The following CASP6 variants were observed in gnomAD, a reference collection of about 807,000 sequenced individuals.
The protein encoded by CASP6 is caspase 6.
CASP6 carries 20 observed loss-of-function variants against 31.8 expected under a neutral mutation model. The ratio of observed to expected loss-of-function variants is 0.63; its 90% CI spans 0.44 to 0.91. The LOEUF (loss-of-function observed/expected upper bound fraction) is 0.91, where lower values mean the gene tolerates loss of function less well. Among genes scored for constraint, CASP6 ranks in the 40% least tolerant of loss-of-function variants. The probability of loss-of-function intolerance (pLI) is 0.00; values close to 1 mark genes in which losing one functional copy is unlikely to be tolerated. For synonymous variants in CASP6, 130 were observed against 127.8 expected (o/e 1.02, Z -0.12); for missense variants, 328 against 361.1 (o/e 0.91, Z 0.74).
chr4:109,706,568 A>C (rs1159622290), upstream of CASP6, among the ~76,000 whole-genome samples: 1 of 152,038 alleles, frequency 6.6e-6, no homozygotes, highest in Non-Finnish European at 1.5e-5. Context: ...CCAATTTTGA[A>C]AGAAGGTCTG....
chr4:109,687,322 G>T (rs1342383935), downstream of CASP6, among the ~76,000 whole-genome samples: 2 of 152,080 alleles, frequency 1.3e-5, no homozygotes, highest in Non-Finnish European at 2.9e-5. Flanking sequence ...TGGTAGCACT[G>T]CACTCCTGCC....
intron 2 of CASP6, 95 bp from the exon 3 acceptor site, chr4:109,697,863 T>G: frequency 7.3e-7 from 1 of 1,372,440 alleles, no homozygotes; most frequent in Non-Finnish European, 9.9e-7. Flanking sequence ...AGATCTGAGC[T>G]TCCTCCTTGC....
chr4:109,691,117 C>G, intron 5 of CASP6, 108 bp from the exon 6 acceptor site: 1 of 1,212,554 alleles, frequency 8.2e-7, no homozygotes, highest in Non-Finnish European at 1.1e-6. Context: ...CAACAGAAAC[C>G]ACATTCTGAG....
chr4:109,703,492 GC>G, upstream of CASP6: 1 of 1,467,150 alleles, frequency 6.8e-7, no homozygotes, highest in Non-Finnish European at 9.2e-7. Flanking sequence ...CGGCGGCCCC[GC>G]CCCCTGCCCC....
chr4:109,703,570 C>T, upstream of CASP6: 1 of 784,254 alleles, frequency 1.3e-6, no homozygotes, highest in South Asian at 1.9e-5. Flanking sequence ...CTGGTCCTTC[C>T]CAGAGTTAAA....
the CASP6 span, among the ~76,000 whole-genome samples, chr4:109,670,381 G>A: frequency 2.4e-4 from 36 of 151,878 alleles, no homozygotes; most frequent in Non-Finnish European, 4.9e-4. Context: ...AATCGGTTAG[G>A]CTCTGGGAAA....
At chr4:109,681,868 G>A in the CASP6 span, among the ~76,000 whole-genome samples, 7 of 152,238 alleles carry the variant, frequency 4.6e-5, no homozygotes, top group Admixed American at 1.3e-4. Context: ...AACCAGAAGA[G>A]TGCAGTTTCA....
chr4:109,674,797 C>T, the CASP6 span, among the ~76,000 whole-genome samples: 1 of 152,192 alleles, frequency 6.6e-6, no homozygotes, highest in Non-Finnish European at 1.5e-5. Context: ...TAAATGTCAT[C>T]TTGAAATAGA....
At position 109,703,372 on chromosome 4, in the gene CASP6, G is replaced by A; in HGVS notation, c.24C>T (p.Arg8=). 1 of 1,611,316 alleles carries A rather than the reference G, an allele frequency of 6.2e-7. No homozygotes were observed. The highest frequency in any genetic ancestry group is 8.5e-7 in the Non-Finnish European group (1 of 1,179,086). The part of the protein sequence containing the change: MSSASGL[R]RGHPAGGEEN... ...CCTGCCTACCTGCCGGGTGCCCCCT[G>A]CGGAGCCCCGAGGCCGAGCTCATTG... Residue 8 remains arginine (R), a synonymous_variant, in exon 1 of 7, where the codon CGC becomes CGT. Coordinates refer to ENST00000265164, the MANE Select transcript of CASP6 (RefSeq NM_001226.4).
At chr4:109,669,396 C>T in the CASP6 span, among the ~76,000 whole-genome samples, 40 of 150,886 alleles carry the variant, frequency 2.7e-4, no homozygotes, top group Non-Finnish European at 5.5e-4. Flanking sequence ...CTTTTTTTTT[C>T]TCTGCTATAG....
chr4:109,689,141 A>G lies in CASP6; in HGVS notation c.*189T>C. The stretch of plus-strand genomic sequence containing the variant: ...CAGGCATGCGCCGCCATGCCTAGCT[A>G]AATTTTTTTTTGCATTTTTAGTAGA... On this transcript the variant is annotated 3_prime_UTR_variant, in exon 7 of 7. Coordinates refer to ENST00000265164, the MANE Select transcript of CASP6 (RefSeq NM_001226.4). 2 of 516,198 alleles carry G rather than the reference A, an allele frequency of 3.9e-6. No individual in the cohort carries two copies. The highest frequency in any genetic ancestry group is 7.0e-6 in the Non-Finnish European group (2 of 285,182). 32.0% of individuals were successfully genotyped at this position (516,198 alleles called of 1,614,324 possible).
At chr4:109,684,782 GT>G, downstream of CASP6, 1 of 578,662 alleles carries the variant, frequency 1.7e-6, no homozygotes, top group South Asian at 2.3e-5. Context: ...ATTTTTTATT[GT>G]TTTTCACAAG....
chr4:109,706,128 A>ATT (rs199704463), upstream of CASP6, among the ~76,000 whole-genome samples: 2 of 34,224 alleles, frequency 5.8e-5, no homozygotes, highest in Non-Finnish European at 5.5e-5. Context: ...ATACCTATCC[A>ATT]TTTTATATAT....
chr4:109,682,087 G>A, the CASP6 span, among the ~76,000 whole-genome samples: 2 of 151,936 alleles, frequency 1.3e-5, no homozygotes, highest in Admixed American at 6.6e-5. Context: ...GGTTGGGTGT[G>A]AGCCAAGTTG....
At chr4:109,691,356 C>T (rs1467783687) in intron 5 of CASP6, among the ~76,000 whole-genome samples, 1 of 152,150 alleles carries the variant, frequency 6.6e-6, no homozygotes, top group Non-Finnish European at 1.5e-5. Context: ...CTTTTGAAAG[C>T]TATAGTATTG....
chr4:109,702,370 C>G (rs1308199045), intron 1 of CASP6, among the ~76,000 whole-genome samples: 1 of 145,464 alleles, frequency 6.9e-6, no homozygotes, highest in Admixed American at 6.9e-5. Flanking sequence ...CACTCTGTCG[C>G]CGAGGTTGGA....
chr4:109,684,310 C>T (rs1729786114), downstream of CASP6: 5 of 604,024 alleles, frequency 8.3e-6, no homozygotes, highest in East Asian at 8.9e-5. Flanking sequence ...GATCCGCCCA[C>T]CTCGGCCTCC....
At chr4:109,708,199 T>C (rs1238328964), upstream of CASP6, among the ~76,000 whole-genome samples, 1 of 152,074 alleles carries the variant, frequency 6.6e-6, no homozygotes, top group African/African-American at 2.4e-5. Context: ...CAAAGAAGGG[T>C]TTTTACTCAA....
rs1730183317 is a variant in CASP6 at position 109,694,710 on chromosome 4, A to C, written c.308-10T>G. 1 of 1,535,892 alleles carries C rather than the reference A, an allele frequency of 6.5e-7. No homozygotes were observed. Among genetic ancestry groups the C allele is most frequent in the South Asian group, 1.3e-5 (1 of 78,484 alleles). On this transcript the variant is annotated splice_polypyrimidine_tract_variant and intron_variant, in intron 4 of 6. Coordinates refer to ENST00000265164, the MANE Select transcript of CASP6 (RefSeq NM_001226.4). ...TGGCTAACAGTTGACACTATAAAGG[A>C]CCCAAAAGAGAATATAGAAATGAAA...
Sources: allele counts gnomAD v4.1 joint callset (sites outside exome capture counted in the v4.1 genomes callset), GRCh38; gene constraint gnomAD v4.1.1; transcripts MANE v1.5; gene names NCBI Gene and HGNC (gene_info 2026-07-23, HGNC 2026-07-21).